Variants in MAP2K1 observed in about 807,000 individuals in gnomAD.
The protein encoded by MAP2K1 is mitogen-activated protein kinase kinase 1, also known as dual specificity mitogen-activated protein kinase kinase 1.
Under a neutral mutation model 46.3 loss-of-function variants are expected in MAP2K1, and 16 were observed. That is an observed-to-expected ratio of 0.35 (90% CI 0.23 to 0.52). The LOEUF is 0.52. Among genes scored for constraint, MAP2K1 ranks in the 20% least tolerant of loss-of-function variants. MAP2K1 has a pLI of 0.94. For missense variants in MAP2K1, 263 were observed against 497.1 expected (o/e 0.53, Z 4.48); for synonymous variants, 183 against 185.6 (o/e 0.99, Z 0.11).
At chr15:66,420,855 G>A (rs867574452) in intron 1 of MAP2K1, among the ~76,000 whole-genome samples, 46 of 104,060 alleles carry the variant, frequency 4.4e-4, no homozygotes, top group African/African-American at 1.6e-3. Context: ...GTATATATAT[G>A]TGTGTATATA....
intron 6 of MAP2K1, 68 bp from the exon 7 acceptor site, chr15:66,484,922 A>G: frequency 7.8e-7 from 1 of 1,285,088 alleles, no homozygotes; most frequent in South Asian, 1.2e-5. Flanking sequence ...GACAGAAGAG[A>G]AAATGCATTA....
intron 10 of MAP2K1, 47 bp from the exon 11 acceptor site, chr15:66,490,452 GTTT>G: frequency 7.2e-7 from 1 of 1,384,602 alleles, no homozygotes. Context: ...GGTGGGTTTT[GTTT>G]TTTTGTTTCT....
chr15:66,455,961 G>A (rs1285722140), intron 5 of MAP2K1, among the ~76,000 whole-genome samples: 1 of 152,104 alleles, frequency 6.6e-6, no homozygotes, highest in Non-Finnish European at 1.5e-5. Flanking sequence ...TCAGGGGGTG[G>A]GTATAGATCT....
intron 1 of MAP2K1, chr15:66,415,188 G>T: frequency 7.8e-6 from 4 of 515,890 alleles, no homozygotes; most frequent in South Asian, 5.7e-5. Flanking sequence ...TCACTGGTAT[G>T]ACTGATGCCA....
At chr15:66,413,852 C>G (rs561009528) in intron 1 of MAP2K1, among the ~76,000 whole-genome samples, 2 of 150,300 alleles carry the variant, frequency 1.3e-5, no homozygotes, top group Non-Finnish European at 3.0e-5. Flanking sequence ...AAGCAGGGAT[C>G]TGGGCCTGTC....
chr15:66,425,326 CT>C (rs2093455170), intron 1 of MAP2K1, among the ~76,000 whole-genome samples: 1 of 152,194 alleles, frequency 6.6e-6, no homozygotes, highest in Admixed American at 6.5e-5. Context: ...AGAAGCTGTG[CT>C]TCAATACAGT....
intron 1 of MAP2K1, among the ~76,000 whole-genome samples, chr15:66,390,911 C>G (rs1287530666): frequency 6.6e-6 from 1 of 152,136 alleles, no homozygotes; most frequent in Non-Finnish European, 1.5e-5. Context: ...ACATGCTGTT[C>G]CCTTTGCCTG....
intron 5 of MAP2K1, among the ~76,000 whole-genome samples, chr15:66,481,103 T>C (rs946268977): frequency 5.3e-5 from 8 of 152,114 alleles, no homozygotes; most frequent in South Asian, 2.1e-4. Context: ...CTTTAAGGCC[T>C]CTCACATTCC....
chr15:66,411,524 C>T (rs1369774443), intron 1 of MAP2K1, among the ~76,000 whole-genome samples: 2 of 152,162 alleles, frequency 1.3e-5, no homozygotes, highest in Non-Finnish European at 2.9e-5. Flanking sequence ...CAGACAGACC[C>T]TGCAGATTTT....
intron 5 of MAP2K1, among the ~76,000 whole-genome samples, chr15:66,448,787 A>G (rs911632741): frequency 3.3e-5 from 5 of 152,098 alleles, no homozygotes; most frequent in African/African-American, 4.8e-5. Context: ...GTGAATCACA[A>G]GGTCAGGAGT....
chr15:66,419,365 C>T (rs2093432129), intron 1 of MAP2K1, among the ~76,000 whole-genome samples: 1 of 151,696 alleles, frequency 6.6e-6, no homozygotes, highest in East Asian at 2.0e-4. Flanking sequence ...ACTAAAAATA[C>T]AAAAATTAGT....
chr15:66,396,156 C>T (rs554115928), intron 1 of MAP2K1, among the ~76,000 whole-genome samples: 2 of 152,044 alleles, frequency 1.3e-5, no homozygotes, highest in Non-Finnish European at 2.9e-5. Context: ...CAGGTATGCG[C>T]CACCACATCT....
intron 3 of MAP2K1, among the ~76,000 whole-genome samples, chr15:66,440,922 G>T (rs1321115268): frequency 6.6e-6 from 1 of 152,070 alleles, no homozygotes; most frequent in Non-Finnish European, 1.5e-5. Context: ...GCTCTGTGGA[G>T]GTTAAAGGGA....
At chr15:66,458,028 A>G (rs901499972) in intron 5 of MAP2K1, among the ~76,000 whole-genome samples, 1 of 152,128 alleles carries the variant, frequency 6.6e-6, no homozygotes, top group Non-Finnish European at 1.5e-5. Flanking sequence ...TTAAGTTCTC[A>G]AGGAAAACAT....
chr15:66,480,974 C>T (rs1453212181), intron 5 of MAP2K1, among the ~76,000 whole-genome samples: 2 of 152,162 alleles, frequency 1.3e-5, no homozygotes, highest in Non-Finnish European at 2.9e-5. Flanking sequence ...AAATTTAGGT[C>T]TCTGCAAACT....
At chr15:66,462,485 A>G (rs892288008) in intron 5 of MAP2K1, among the ~76,000 whole-genome samples, 7 of 142,260 alleles carry the variant, frequency 4.9e-5, no homozygotes, top group Non-Finnish European at 1.0e-4. Context: ...CGACAGAGCA[A>G]GACTCTGTCT....
At chr15:66,424,130 T>C (rs2093451021) in intron 1 of MAP2K1, among the ~76,000 whole-genome samples, 1 of 151,774 alleles carries the variant, frequency 6.6e-6, no homozygotes, top group Non-Finnish European at 1.5e-5. Context: ...CTGTCTTGGC[T>C]CACTGCAGCC....
At chr15:66,395,498 C>T (rs1239931221) in intron 1 of MAP2K1, among the ~76,000 whole-genome samples, 1 of 151,858 alleles carries the variant, frequency 6.6e-6, no homozygotes, top group African/African-American at 2.4e-5. Context: ...TGTTGCTTAC[C>T]TTCTTACATC....
chr15:66,487,367 A>C, intron 8 of MAP2K1, 75 bp downstream of exon 8: 1 of 1,371,494 alleles, frequency 7.3e-7, no homozygotes. Flanking sequence ...GGCCGGGTGC[A>C]GTGGTTCACG....
Sources: allele counts gnomAD v4.1 joint callset (sites outside exome capture counted in the v4.1 genomes callset), GRCh38; gene constraint gnomAD v4.1.1; transcripts MANE v1.5; gene names NCBI Gene and HGNC (gene_info 2026-07-23, HGNC 2026-07-21).